Variants in PARP12 observed in about 807,000 individuals in gnomAD.
PARP12 encodes poly(ADP-ribose) polymerase family member 12, also known as protein mono-ADP-ribosyltransferase PARP12.
A neutral mutation model predicts 72.4 loss-of-function variants in PARP12; 59 were observed. The ratio of observed to expected loss-of-function variants is 0.81; its 90% confidence interval spans 0.66 to 1.01. The LOEUF is 1.01. Ranked by LOEUF, PARP12 falls within the 50% of genes least tolerant of loss-of-function variation. The pLI, the probability that PARP12 is intolerant of heterozygous loss-of-function variation, is 0.00. For missense variants in PARP12, 851 were observed against 914.0 expected, an observed-to-expected ratio of 0.93 and a Z score of 0.89; for synonymous variants, 403 against 371.4, an observed-to-expected ratio of 1.09 and a Z score of -0.98.
chr7:140,059,063 C>T (rs548265275), intron 1 of PARP12, among the ~76,000 whole-genome samples: 1 of 151,428 alleles, frequency 6.6e-6, no homozygotes, highest in East Asian at 1.9e-4. Context: ...CCATTGCACT[C>T]CAGCCTGGGC....
rs770149210 is a variant in PARP12 at position 140,027,267 on chromosome 7, C to G, written c.1628+9G>C. On this transcript the variant is annotated intron_variant, in intron 10 of 11. Coordinates refer to ENST00000263549, the MANE Select transcript of PARP12 (RefSeq NM_022750.4). The stretch of plus-strand genomic sequence containing the variant: ...GTCACCAGCCCACCAAGAGCGAGCC[C>G]CAACGCACCACTGGTAGACTTCCCA... The G allele has an allele frequency of 4.3e-6, 7 of 1,612,674 alleles. No homozygotes were observed. The highest frequency in any genetic ancestry group is 5.9e-6 in the Non-Finnish European group (7 of 1,179,142).
intron 11 of PARP12, chr7:140,025,697 C>T (rs1585078420): frequency 3.1e-6 from 1 of 321,050 alleles, no homozygotes; most frequent in African/African-American, 2.2e-5. Context: ...TATTATTATT[C>T]CAATTTTCTT....
chr7:140,058,730 AG>A (rs1270767841), intron 1 of PARP12, among the ~76,000 whole-genome samples: 11 of 152,146 alleles, frequency 7.2e-5, no homozygotes, highest in African/African-American at 2.4e-4. Context: ...GCAAACTGAA[AG>A]CTGATAAAAT....
At chr7:140,043,184 A>G (rs756290936) in intron 5 of PARP12, among the ~76,000 whole-genome samples, 4 of 152,072 alleles carry the variant, frequency 2.6e-5, no homozygotes, top group Non-Finnish European at 4.4e-5. Context: ...ACAGAGTGAG[A>G]CTCCATCTCA....
chr7:140,026,514 C>G (rs1445505049), intron 10 of PARP12, among the ~76,000 whole-genome samples, 166 bp from the exon 11 acceptor site: 1 of 152,100 alleles, frequency 6.6e-6, no homozygotes, highest in Non-Finnish European at 1.5e-5. Context: ...CAGCCACAAG[C>G]CAGGGTGTGG....
intron 1 of PARP12, among the ~76,000 whole-genome samples, chr7:140,059,401 G>C (rs1252448779): frequency 2.3e-5 from 2 of 88,840 alleles, no homozygotes; most frequent in African/African-American, 1.9e-4. Context: ...CCTGAACCTA[G>C]CTTTTTTTTT....
intron 7 of PARP12, among the ~76,000 whole-genome samples, chr7:140,035,208 A>G (rs1391126023): frequency 6.6e-6 from 1 of 152,224 alleles, no homozygotes; most frequent in Non-Finnish European, 1.5e-5. Flanking sequence ...GATGGTCACT[A>G]TTCCTGGAGG....
chr7:140,030,292 T>A (rs974391192), intron 8 of PARP12, among the ~76,000 whole-genome samples: 1 of 152,220 alleles, frequency 6.6e-6, no homozygotes, highest in Non-Finnish European at 1.5e-5. Flanking sequence ...TCCTTCAAGA[T>A]TGATGGCAAA....
intron 5 of PARP12, 75 bp downstream of exon 5, chr7:140,046,799 AGTGTGTGTGT>A (rs3216987): frequency 6.6e-5 from 57 of 868,784 alleles, no homozygotes; most frequent in Admixed American, 1.2e-4. Context: ...GGCTGCTCAC[AGTGTGTGTGT>A]GTGTGTGTGT....
intron 10 of PARP12, 56 bp from the exon 11 acceptor site, chr7:140,026,404 G>C (rs1815740214): frequency 6.4e-7 from 1 of 1,564,472 alleles, no homozygotes. Context: ...ACCAAATACA[G>C]CCGGCCTGAT....
chr7:140,043,998 A>G (rs943986994), intron 5 of PARP12, among the ~76,000 whole-genome samples: 1 of 152,258 alleles, frequency 6.6e-6, no homozygotes, highest in Non-Finnish European at 1.5e-5. Flanking sequence ...CATAAAAGAT[A>G]AAGTGAGAAG....
rs1815644350 is a variant in PARP12, at chr7:140,024,463, A to G, written c.*97T>C. ...TCATTGAGAGGTCAATGTTAAGAGA[A>G]CAGTTCATTAAAAGTTTCTGTTTAA... On this transcript the variant is annotated 3_prime_UTR_variant, in exon 12 of 12. Transcript: ENST00000263549. 8.3e-7 allele frequency: 1 copy of G among 1,206,988 alleles called. No individual in the cohort carries two copies. The highest frequency in any genetic ancestry group is 1.2e-6 in the Non-Finnish European group (1 of 832,502). 74.8% of individuals were successfully genotyped at this position (1,206,988 alleles called of 1,614,324 possible).
intron 1 of PARP12, among the ~76,000 whole-genome samples, chr7:140,061,733 T>C (rs1458520771): frequency 2.0e-5 from 3 of 152,124 alleles, no homozygotes; most frequent in Non-Finnish European, 2.9e-5. Flanking sequence ...GCACAGAACA[T>C]GGACGCTAAG....
intron 8 of PARP12, chr7:140,033,915 A>G: frequency 9.8e-7 from 1 of 1,016,280 alleles, no homozygotes; most frequent in Non-Finnish European, 1.2e-6. Context: ...ATTCAAGTCT[A>G]TGACTCAATG....
chr7:140,030,354 T>C (rs900101553), intron 8 of PARP12, among the ~76,000 whole-genome samples: 2 of 152,184 alleles, frequency 1.3e-5, no homozygotes, highest in Admixed American at 6.5e-5. Context: ...TCCCAGCACT[T>C]TGGGAGGCCG....
chr7:140,030,626 C>A (rs1815905814), intron 8 of PARP12, among the ~76,000 whole-genome samples: 1 of 152,202 alleles, frequency 6.6e-6, no homozygotes, highest in East Asian at 1.9e-4. Context: ...TGCATACATA[C>A]ATACGTACAT....
At chr7:140,037,633 C>A in intron 7 of PARP12, 82 bp downstream of exon 7, 3 of 1,569,172 alleles carry the variant, frequency 1.9e-6, no homozygotes, top group Non-Finnish European at 2.6e-6. Context: ...TCAGTATGTG[C>A]ACACGGCTCC....
In PARP12 at chr7:140,062,856, G is replaced by T. The variant is rs1325949541; in HGVS notation, c.-9C>A. On this transcript the variant is annotated 5_prime_UTR_variant, in exon 1 of 12. Transcript: ENST00000263549. ...ACGCCGGCCTGGGCCATGGCCGCTG[G>T]GCCTGCTCCCGTCGGACCGCGGGTG... 13 of 1,299,380 alleles carry T rather than the reference G, an allele frequency of 1.0e-5. No individual in the cohort carries two copies. The highest frequency in any genetic ancestry group is 1.3e-5 in the Non-Finnish European group (13 of 1,026,952). 80.5% of individuals were successfully genotyped at this position (1,299,380 alleles called of 1,614,324 possible).
chr7:140,038,098 A>C, intron 6 of PARP12: 1 of 985,424 alleles, frequency 1.0e-6, no homozygotes, highest in Non-Finnish European at 1.2e-6. Flanking sequence ...GAGCAGGAAG[A>C]CAGGGATGGG....
Sources: allele counts gnomAD v4.1 joint callset (sites outside exome capture counted in the v4.1 genomes callset), GRCh38; gene constraint gnomAD v4.1.1; transcripts MANE v1.5; gene names NCBI Gene and HGNC (gene_info 2026-07-23, HGNC 2026-07-21).